The following ARHGEF12 variants were observed in gnomAD, a reference collection of about 807,000 sequenced individuals.
ARHGEF12 encodes the protein Rho guanine nucleotide exchange factor 12, also known as KMT2A/ARHGEF12 fusion protein.
In ARHGEF12, 66 loss-of-function variants were observed where a neutral mutation model predicts 211.2. That is an observed-to-expected ratio of 0.31 (90% CI 0.26 to 0.38). The LOEUF is 0.38. ARHGEF12 is among the 10% of genes least tolerant of loss of function. The pLI, the probability that ARHGEF12 is intolerant of heterozygous loss-of-function variation, is 1.00. For missense variants in ARHGEF12, 1,429 were observed against 1,869.5 expected, an observed-to-expected ratio of 0.76 and a Z score of 4.34; for synonymous variants, 592 against 638.4, an observed-to-expected ratio of 0.93 and a Z score of 1.09.
chr11:120,438,832 A>T (rs1272379957), intron 12 of ARHGEF12: 1 of 152,100 alleles, frequency 6.6e-6, no homozygotes, highest in Non-Finnish European at 1.5e-5. Flanking sequence ...TCCTGTATGT[A>T]TGTATGTATT....
chr11:120,419,090 G>T (rs1303947738), intron 4 of ARHGEF12, among the ~76,000 whole-genome samples: 1 of 151,704 alleles, frequency 6.6e-6, no homozygotes, highest in Non-Finnish European at 1.5e-5. Context: ...CTCCCGAGTA[G>T]CTGGGACTAC....
At chr11:120,356,287 C>A (rs2135336769) in intron 1 of ARHGEF12, among the ~76,000 whole-genome samples, 1 of 152,348 alleles carries the variant, frequency 6.6e-6, no homozygotes, top group Middle Eastern at 3.4e-3. Flanking sequence ...GTGGCATGAT[C>A]TTGGCTCACT....
intron 27 of ARHGEF12, 60 bp from the exon 28 acceptor site, chr11:120,465,177 T>C (rs754952181): frequency 6.3e-7 from 1 of 1,599,726 alleles, no homozygotes; most frequent in Non-Finnish European, 8.5e-7. Context: ...TGTCACTTTG[T>C]CTGGCTTGTA....
At chr11:120,467,997 G>C (rs1946758735) in intron 29 of ARHGEF12, among the ~76,000 whole-genome samples, 1 of 152,150 alleles carries the variant, frequency 6.6e-6, no homozygotes, top group African/African-American at 2.4e-5. Flanking sequence ...AAATTATCTG[G>C]TTCAACCATC....
Position 120,428,343 on chromosome 11 carries a change from T to C in ARHGEF12, c.585+96T>C, listed in dbSNP as rs529079496. The C allele has an allele frequency of 2.8e-6, 3 of 1,062,432 alleles. No homozygotes were observed. The African/African-American group carries it at 4.9e-5, about 17-fold the overall frequency. 65.8% of individuals were successfully genotyped at this position (1,062,432 alleles called of 1,614,324 possible). A position where few individuals can be genotyped will look rare whatever the true frequency, so the allele number is the denominator to read the frequency against. ...TTCAAGTATTCGGCTGATGAACTAA[T>C]TAAATTTAAGATTTTAGAAAATGAT... On this transcript the variant is annotated intron_variant, in intron 8 of 40. Transcript: ENST00000397843.
intron 30 of ARHGEF12, among the ~76,000 whole-genome samples, chr11:120,471,506 G>A (rs1284010244): frequency 6.6e-6 from 1 of 152,160 alleles, no homozygotes; most frequent in Admixed American, 6.5e-5. Flanking sequence ...TGGGGTGATG[G>A]TAAAATTTTC....
intron 22 of ARHGEF12, among the ~76,000 whole-genome samples, chr11:120,455,788 A>C (rs1053048538): frequency 1.3e-5 from 2 of 152,256 alleles, no homozygotes; most frequent in African/African-American, 4.8e-5. Context: ...AGTATGAAGC[A>C]GCAGAGGAAA....
chr11:120,394,334 C>G (rs1565449470), intron 1 of ARHGEF12, among the ~76,000 whole-genome samples: 1 of 151,538 alleles, frequency 6.6e-6, no homozygotes, highest in Non-Finnish European at 1.5e-5. Context: ...CCTTATCCTC[C>G]CAAGTAGCTG....
chr11:120,338,575 CTT>C (rs757988068), intron 1 of ARHGEF12, among the ~76,000 whole-genome samples: 6 of 152,158 alleles, frequency 3.9e-5, no homozygotes, highest in Admixed American at 1.3e-4. Context: ...CAAGAATACA[CTT>C]AAGATAAGTA....
At chr11:120,428,303 T>C (rs1945414895) in intron 8 of ARHGEF12, 56 bp downstream of exon 8, 4 of 1,375,598 alleles carry the variant, frequency 2.9e-6, no homozygotes. Flanking sequence ...ATGTGTTTAC[T>C]TTATATGGAG....
intron 1 of ARHGEF12, among the ~76,000 whole-genome samples, chr11:120,353,395 A>G (rs1039385146): frequency 2.0e-5 from 3 of 152,172 alleles, no homozygotes; most frequent in South Asian, 2.1e-4. Context: ...CATGAGAACA[A>G]TCTCAGAAAC....
intron 1 of ARHGEF12, among the ~76,000 whole-genome samples, chr11:120,386,919 A>G (rs762796316): frequency 3.9e-5 from 6 of 152,128 alleles, no homozygotes; most frequent in Non-Finnish European, 7.4e-5. Context: ...CAGACTCTAA[A>G]GCTCTTTCCA....
At chr11:120,456,978 A>T in intron 22 of ARHGEF12, 140 bp from the exon 23 acceptor site, 3 of 672,678 alleles carry the variant, frequency 4.5e-6, no homozygotes, top group Non-Finnish European at 7.2e-6. Flanking sequence ...TTAAATTTTT[A>T]GTTCTAGTGA....
chr11:120,374,102 C>T lies in ARHGEF12; in HGVS notation c.33-32016C>T, dbSNP rs557127185. On this transcript the variant is annotated intron_variant, in intron 1 of 40. Transcript: ENST00000397843. The stretch of plus-strand genomic sequence containing the variant: ...GATTACAGGCGTGAGCCACCGCACC[C>T]GGCCAAAAAATGTATTTTTATGGAC... Among the ~76,000 whole-genome samples the T allele has an allele frequency of 6.8e-4, 103 of 152,238 alleles. 1 individual carries two copies. The highest frequency in any genetic ancestry group is 2.4e-3 in the African/African-American group (98 of 41,556).
chr11:120,462,940 T>C (rs1323320005), intron 27 of ARHGEF12: 1 of 152,252 alleles, frequency 6.6e-6, no homozygotes, highest in African/African-American at 2.4e-5. Context: ...ATATGTGGTA[T>C]GTTACTCTTG....
At chr11:120,402,288 T>C (rs946024198) in intron 1 of ARHGEF12, among the ~76,000 whole-genome samples, 18 of 152,214 alleles carry the variant, frequency 1.2e-4, no homozygotes, top group Admixed American at 7.2e-4. Flanking sequence ...TGCACTGATA[T>C]TTACATCGTC....
intron 36 of ARHGEF12, 105 bp downstream of exon 36, chr11:120,477,631 G>A (rs566520787): frequency 1.1e-5 from 11 of 1,032,512 alleles, no homozygotes; most frequent in South Asian, 2.9e-5. Context: ...TTGGGAGGTC[G>A]AGATAGGCGT....
intron 1 of ARHGEF12, among the ~76,000 whole-genome samples, chr11:120,344,221 G>T (rs1218046312): frequency 8.5e-6 from 1 of 117,958 alleles, no homozygotes; most frequent in Non-Finnish European, 1.6e-5. Context: ...AGCCAAGATT[G>T]CACCACTGCA....
At chr11:120,405,014 G>A (rs890743391) in intron 1 of ARHGEF12, among the ~76,000 whole-genome samples, 4 of 152,128 alleles carry the variant, frequency 2.6e-5, no homozygotes, top group African/African-American at 9.7e-5. Flanking sequence ...TGCTATCACT[G>A]ATTAGGAAAG....
Sources: gnomAD v4.1 joint callset for allele counts (sites outside exome capture counted in the v4.1 genomes callset) on GRCh38, gnomAD v4.1.1 for gene constraint, MANE v1.5 for transcripts, NCBI Gene and HGNC (gene_info 2026-07-23, HGNC 2026-07-21) for gene names.